The following TBCD variants were observed in gnomAD, a reference collection of about 807,000 sequenced individuals.
TBCD encodes tubulin folding cofactor D, also known as tubulin-specific chaperone D.
TBCD carries 105 observed loss-of-function variants against 169.3 expected under a neutral mutation model. The observed-to-expected ratio is 0.62, with a 90% confidence interval of 0.53 to 0.73. The LOEUF (loss-of-function observed/expected upper bound fraction) is 0.73. TBCD is among the 30% of genes least tolerant of loss of function. TBCD has a pLI of 0.00. For synonymous variants in TBCD, 700 were observed against 643.9 expected (o/e 1.09, Z -1.32); for missense variants, 1,444 against 1,600.1 (o/e 0.90, Z 1.66).
intron 18 of TBCD, among the ~76,000 whole-genome samples, chr17:82,900,977 G>A (rs1163270242): frequency 1.3e-5 from 2 of 152,218 alleles, no homozygotes; most frequent in Non-Finnish European, 2.9e-5. Context: ...AAATGTCCAC[G>A]CTGGCGTGTT....
At chr17:82,809,848 A>G in intron 12 of TBCD, 66 bp downstream of exon 12, 1 of 1,456,578 alleles carries the variant, frequency 6.9e-7, no homozygotes, top group Non-Finnish European at 9.5e-7. Flanking sequence ...GGCTTTCCTT[A>G]TATCCTTTCA....
intron 13 of TBCD, among the ~76,000 whole-genome samples, chr17:82,836,586 AAC>A (rs1199209075): frequency 6.6e-6 from 1 of 152,106 alleles, no homozygotes; most frequent in African/African-American, 2.4e-5. Flanking sequence ...TAGCGCCTGA[AAC>A]ACAAGCGCTC....
chr17:82,799,669 A>G (rs905822440), intron 8 of TBCD, among the ~76,000 whole-genome samples: 2 of 152,166 alleles, frequency 1.3e-5, no homozygotes, highest in South Asian at 2.1e-4. Context: ...GTGTACTTCC[A>G]TACATGTCTC....
intron 30 of TBCD, 32 bp from the exon 31 acceptor site, chr17:82,929,081 C>T: frequency 6.3e-7 from 1 of 1,594,792 alleles, no homozygotes; most frequent in South Asian, 1.1e-5. Context: ...TTACCGCCCG[C>T]CCTTGGTTTA....
chr17:82,891,708 C>G (rs1224502588), intron 16 of TBCD, among the ~76,000 whole-genome samples: 2 of 151,228 alleles, frequency 1.3e-5, no homozygotes, highest in Non-Finnish European at 2.9e-5. Context: ...CAGTGGAGGC[C>G]GCTGGGTAAC....
intron 13 of TBCD, chr17:82,829,999 GTTT>G: frequency 1.1e-5 from 4 of 354,044 alleles, no homozygotes; most frequent in Non-Finnish European, 1.6e-5. Flanking sequence ...AGGGTTTTTT[GTTT>G]GTTTGTTTGT....
At chr17:82,900,396 C>T in intron 17 of TBCD, 1 of 425,726 alleles carries the variant, frequency 2.3e-6, no homozygotes, top group African/African-American at 2.0e-5. Flanking sequence ...GTTTGTTTTC[C>T]CCGTGGATGA....
At chr17:82,855,022 A>G (rs9913679) in intron 13 of TBCD, among the ~76,000 whole-genome samples, 86,956 of 151,876 alleles carry the variant, frequency 0.57, 25,085 homozygotes, top group East Asian at 0.71. Context: ...GAACAGAAGC[A>G]TTGGGGCGTC....
intron 7 of TBCD, among the ~76,000 whole-genome samples, chr17:82,794,083 G>A (rs1035911519): frequency 3.3e-5 from 5 of 152,250 alleles, no homozygotes; most frequent in African/African-American, 1.2e-4. Flanking sequence ...GCCTGAACTG[G>A]TGTGGTGTGG....
intron 13 of TBCD, among the ~76,000 whole-genome samples, chr17:82,815,496 C>T (rs1429317781): frequency 1.3e-5 from 2 of 152,224 alleles, no homozygotes; most frequent in Non-Finnish European, 2.9e-5. Context: ...TCTGCAGTGG[C>T]CAGCAGTGGG....
At chr17:82,867,309 G>T (rs907085141) in intron 13 of TBCD, among the ~76,000 whole-genome samples, 14 of 152,222 alleles carry the variant, frequency 9.2e-5, no homozygotes, top group African/African-American at 3.1e-4. Context: ...GCGGTTGTCT[G>T]TTGGGAGTCG....
Position 82,758,384 on chromosome 17 carries a change from G to GGAAAAAAAAAAAA in TBCD, c.235+2169_235+2170insGAAAAAAAAAAAA, listed in dbSNP as rs1555672563. On this transcript the variant is annotated intron_variant, in intron 2 of 38. Transcript: ENST00000355528. ...GGGCAACAAGAACGAAAACGTCTCG[G>GGAAAAAAAAAAAA]AAAAAAAAAAAAAAAAAAATAAATA... 1.2e-4 allele frequency among the ~76,000 whole-genome samples: 3 copies of GGAAAAAAAAAAAA among 25,016 alleles called. 1 individual carries two copies. Among genetic ancestry groups the GGAAAAAAAAAAAA allele is most frequent in the East Asian group, 6.5e-3 (2 of 308 alleles). 16.4% of individuals were successfully genotyped at this position (25,016 alleles called of 152,430 possible). A position where few individuals can be genotyped will look rare whatever the true frequency, so the allele number is the denominator to read the frequency against.
At chr17:82,762,229 T>C (rs1220261879) in intron 2 of TBCD, among the ~76,000 whole-genome samples, 2 of 149,476 alleles carry the variant, frequency 1.3e-5, no homozygotes, top group African/African-American at 5.0e-5. Context: ...GGCAGGAAAA[T>C]TGCTTGAACC....
At chr17:82,856,012 T>TTA (rs2056251086) in intron 13 of TBCD, among the ~76,000 whole-genome samples, 3 of 143,854 alleles carry the variant, frequency 2.1e-5, no homozygotes, top group South Asian at 2.4e-4. Context: ...TTTTTTTTTT[T>TTA]TTTTTTGTAG....
At chr17:82,772,325 T>A (rs1024602171) in intron 5 of TBCD, 127 bp from the exon 6 acceptor site, 3 of 921,412 alleles carry the variant, frequency 3.3e-6, no homozygotes, top group Non-Finnish European at 5.3e-6. Flanking sequence ...GACTTAGGCC[T>A]GTGCTGGTAA....
intron 15 of TBCD, among the ~76,000 whole-genome samples, chr17:82,887,303 C>T (rs2146322627): frequency 6.6e-6 from 1 of 152,310 alleles, no homozygotes; most frequent in South Asian, 2.1e-4. Flanking sequence ...GCTTTGCCCA[C>T]AGTCCCTGCT....
chr17:82,845,131 C>G (rs1264535903), intron 13 of TBCD, among the ~76,000 whole-genome samples: 1 of 152,174 alleles, frequency 6.6e-6, no homozygotes, highest in African/African-American at 2.4e-5. Flanking sequence ...GTGTCAGGGC[C>G]TCTTTCCCTA....
At chr17:82,898,041 T>C (rs1272309490) in intron 17 of TBCD, among the ~76,000 whole-genome samples, 24 of 138,400 alleles carry the variant, frequency 1.7e-4, no homozygotes, top group East Asian at 4.5e-4. Context: ...GCACACGGCA[T>C]GGCTCTGGGT....
chr17:82,942,327 A>AT, intron 38 of TBCD, 122 bp from the exon 39 acceptor site: 1 of 1,444,900 alleles, frequency 6.9e-7, no homozygotes, highest in Non-Finnish European at 9.6e-7. Flanking sequence ...GAAACGGCAC[A>AT]AATGGTTTCC....
Sources: allele counts gnomAD v4.1 joint callset (sites outside exome capture counted in the v4.1 genomes callset), GRCh38; gene constraint gnomAD v4.1.1; transcripts MANE v1.5; gene names NCBI Gene and HGNC (gene_info 2026-07-23, HGNC 2026-07-21).